C8orf34: variants seen among roughly 807,000 people sequenced by gnomAD.
C8orf34 encodes the protein uncharacterized protein C8orf34.
C8orf34 carries 65 observed loss-of-function variants against 68.3 expected under a neutral mutation model. That is an observed-to-expected ratio of 0.95 (90% CI 0.78 to 1.17). C8orf34 has a LOEUF of 1.17. Ranked by LOEUF, C8orf34 falls within the 50% of genes most tolerant of loss-of-function variation. The probability of loss-of-function intolerance (pLI) is 0.00; values close to 1 mark genes in which losing one functional copy is unlikely to be tolerated. For synonymous variants in C8orf34, 244 were observed against 241.2 expected, an observed-to-expected ratio of 1.01 and a Z score of -0.11; for missense variants, 664 against 655.4, an observed-to-expected ratio of 1.01 and a Z score of -0.14.
chr8:68,573,564 T>C (rs148506584), intron 7 of C8orf34, among the ~76,000 whole-genome samples: 1 of 152,292 alleles, frequency 6.6e-6, no homozygotes, highest in East Asian at 1.9e-4. Context: ...GTTATGATAA[T>C]AGATGACTGG....
chr8:68,492,137 T>C (rs1439854938), intron 5 of C8orf34, among the ~76,000 whole-genome samples: 2 of 152,240 alleles, frequency 1.3e-5, no homozygotes, highest in Non-Finnish European at 2.9e-5. Context: ...AAGAAGATTC[T>C]TCCTAAAGCA....
chr8:68,792,150 C>T (rs200237660), intron 12 of C8orf34: 1 of 152,046 alleles, frequency 6.6e-6, no homozygotes, highest in Non-Finnish European at 1.5e-5. Flanking sequence ...AATCAAATTA[C>T]AAGCTGCCTG....
chr8:68,446,410 G>C lies in C8orf34; in HGVS notation c.557G>C (p.Ser186Thr). ...LNAKKPKKSK[S>T]DLAVSNISPP... ...GCAAAGAAGCCTAAAAAATCAAAAA[G>C]TGACCTTGCTGTGTCTAATATTTCT... is the stretch of plus-strand genomic sequence containing the variant. Residue 186 changes from serine (S) to threonine (T), a missense_variant, in exon 3 of 14, where the codon AGT becomes ACT. Transcript: ENST00000518698. 6.2e-7 allele frequency: 1 copy of C among 1,613,042 alleles called. No homozygotes were observed. Among genetic ancestry groups the C allele is most frequent in the Non-Finnish European group, 8.5e-7 (1 of 1,179,556 alleles).
At chr8:68,642,469 T>A (rs994540121) in intron 8 of C8orf34, among the ~76,000 whole-genome samples, 3 of 152,114 alleles carry the variant, frequency 2.0e-5, no homozygotes, top group African/African-American at 7.2e-5. Flanking sequence ...ATTTGGAGCT[T>A]TATATATTAG....
At chr8:68,706,322 A>G (rs1172866701) in intron 8 of C8orf34, among the ~76,000 whole-genome samples, 1 of 152,054 alleles carries the variant, frequency 6.6e-6, no homozygotes, top group Non-Finnish European at 1.5e-5. Flanking sequence ...AGGAGGGGAC[A>G]CTCCCTTATA....
At chr8:68,406,770 C>G (rs1214096909) in intron 1 of C8orf34, among the ~76,000 whole-genome samples, 3 of 152,176 alleles carry the variant, frequency 2.0e-5, no homozygotes, top group African/African-American at 7.2e-5. Context: ...GCTGGGATTA[C>G]AGGCATGAGC....
intron 4 of C8orf34, among the ~76,000 whole-genome samples, chr8:68,484,621 C>T (rs1007312132): frequency 6.6e-6 from 1 of 152,050 alleles, no homozygotes; most frequent in African/African-American, 2.4e-5. Context: ...AATAAAATGC[C>T]TAAAAGTTGT....
At chr8:68,775,314 A>C (rs1352520280) in intron 10 of C8orf34, among the ~76,000 whole-genome samples, 1 of 152,172 alleles carries the variant, frequency 6.6e-6, no homozygotes, top group Non-Finnish European at 1.5e-5. Flanking sequence ...TTTTAAACAC[A>C]TATGGTGTCC....
At chr8:68,361,076 C>T (rs1246105064) in intron 1 of C8orf34, among the ~76,000 whole-genome samples, 8 of 152,010 alleles carry the variant, frequency 5.3e-5, no homozygotes, top group Non-Finnish European at 1.2e-4. Flanking sequence ...CTATAATGTC[C>T]TAGAAAAAGT....
intron 1 of C8orf34, among the ~76,000 whole-genome samples, chr8:68,394,981 A>G (rs1292195750): frequency 2.0e-5 from 3 of 152,076 alleles, no homozygotes; most frequent in Non-Finnish European, 2.9e-5. Context: ...TAAATTCTAC[A>G]GTTTTCCTAG....
chr8:68,743,408 G>A (rs1056114480), intron 10 of C8orf34, among the ~76,000 whole-genome samples: 1 of 152,202 alleles, frequency 6.6e-6, no homozygotes, highest in Admixed American at 6.5e-5. Context: ...CTCCCAGCAT[G>A]AGCGACGCAG....
chr8:68,766,134 T>G (rs1254988061), intron 10 of C8orf34, among the ~76,000 whole-genome samples: 1 of 152,208 alleles, frequency 6.6e-6, no homozygotes, highest in Non-Finnish European at 1.5e-5. Flanking sequence ...ACCGCTTATC[T>G]GAAAAATCAA....
At chr8:68,767,733 G>A (rs553542550) in intron 10 of C8orf34, among the ~76,000 whole-genome samples, 3 of 152,262 alleles carry the variant, frequency 2.0e-5, no homozygotes, top group South Asian at 2.1e-4. Context: ...CCTAACTCCT[G>A]GGCTCAAGCA....
At chr8:68,413,613 A>G (rs2591025) in intron 1 of C8orf34, among the ~76,000 whole-genome samples, 29,548 of 152,136 alleles carry the variant, frequency 0.19, 3,815 homozygotes, top group African/African-American at 0.37. Flanking sequence ...GAATGGCATC[A>G]ACATCAGCCC....
In C8orf34 at chr8:68,375,201, A is replaced by G. The variant is rs561365582; in HGVS notation, c.327+43862A>G. Among the ~76,000 whole-genome samples, 19 of 152,336 alleles carry G rather than the reference A, an allele frequency of 1.2e-4. No homozygotes were observed. In the South Asian group the frequency reaches 2.9e-3, roughly 23 times the overall value. On this transcript the variant is annotated intron_variant, in intron 1 of 13. Transcript: ENST00000518698. ...TGACATAGAAAGTTGACTTTTTGAC[A>G]TGGGCTTTGCTGTATTATGTTCTAG...
chr8:68,809,853 G>A (rs958348190), intron 12 of C8orf34, among the ~76,000 whole-genome samples: 9 of 152,194 alleles, frequency 5.9e-5, no homozygotes, highest in Non-Finnish European at 1.0e-4. Flanking sequence ...TATGGTGGCT[G>A]AAGAAACTAC....
intron 10 of C8orf34, among the ~76,000 whole-genome samples, chr8:68,746,653 C>G (rs1393917388): frequency 3.4e-5 from 5 of 148,784 alleles, no homozygotes; most frequent in Non-Finnish European, 6.0e-5. Context: ...ATAAATTCCT[C>G]GACACATACA....
At chr8:68,793,302 G>A (rs546609376) in intron 12 of C8orf34, among the ~76,000 whole-genome samples, 1 of 152,092 alleles carries the variant, frequency 6.6e-6, no homozygotes, top group Non-Finnish European at 1.5e-5. Flanking sequence ...TAAATCTTGT[G>A]CCCAGAGAAA....
In C8orf34 at chr8:68,393,493, C is replaced by G. The variant is rs151183844; in HGVS notation, c.328-46006C>G. On this transcript the variant is annotated intron_variant, in intron 1 of 13. Coordinates refer to ENST00000518698, the MANE Select transcript of C8orf34 (RefSeq NM_052958.4). ...GTGCAACAGCACTAGGCTGCAGTGA[C>G]AGATGGGGAAACTCTGTCACCAGGT... 5.4e-3 allele frequency among the ~76,000 whole-genome samples: 825 copies of G among 152,190 alleles called. 6 individuals are homozygous for G. The highest frequency in any genetic ancestry group is 0.018 in the African/African-American group (730 of 41,542).
Sources: gnomAD v4.1 joint callset for allele counts (sites outside exome capture counted in the v4.1 genomes callset) on GRCh38, gnomAD v4.1.1 for gene constraint, MANE v1.5 for transcripts, NCBI Gene and HGNC (gene_info 2026-07-23, HGNC 2026-07-21) for gene names.